The following EHBP1 variants were observed in gnomAD, a reference collection of about 807,000 sequenced individuals.
EHBP1 encodes the protein EH domain-binding protein 1.
In EHBP1, 55 loss-of-function variants were observed where a neutral mutation model predicts 144.0. The ratio of observed to expected loss-of-function variants is 0.38; its 90% confidence interval spans 0.31 to 0.48. EHBP1 has a LOEUF of 0.48. Ranked by LOEUF, EHBP1 falls within the 20% of genes least tolerant of loss-of-function variation. The pLI is 0.98. For synonymous variants in EHBP1, 469 were observed against 472.7 expected, an observed-to-expected ratio of 0.99 and a Z score of 0.10; for missense variants, 1,200 against 1,364.2, an observed-to-expected ratio of 0.88 and a Z score of 1.90.
chr2:62,810,905 A>G (rs1245079172), intron 5 of EHBP1, among the ~76,000 whole-genome samples: 2 of 152,316 alleles, frequency 1.3e-5, no homozygotes, highest in East Asian at 3.9e-4. Flanking sequence ...TTCCCTTAGC[A>G]ACTTTGTAGT....
At chr2:62,831,185 A>G (rs767542698) in intron 7 of EHBP1, 27 bp downstream of exon 7, 24 of 1,567,514 alleles carry the variant, frequency 1.5e-5, no homozygotes, top group Admixed American at 6.3e-5. Context: ...TTAAACTAAA[A>G]GTTTATCTTT....
At chr2:62,717,706 G>T (rs2035819568) in intron 2 of EHBP1, among the ~76,000 whole-genome samples, 1 of 148,822 alleles carries the variant, frequency 6.7e-6, no homozygotes. Context: ...TTTTAATAAA[G>T]TTTTTTTTTT....
intron 10 of EHBP1, among the ~76,000 whole-genome samples, chr2:62,908,409 G>A (rs1055641241): frequency 4.6e-5 from 7 of 151,876 alleles, no homozygotes; most frequent in South Asian, 2.1e-4. Context: ...CTAGCTGTTC[G>A]TTCCATTGAT....
chr2:62,872,903 G>A (rs1019844980), intron 9 of EHBP1, among the ~76,000 whole-genome samples: 2 of 152,176 alleles, frequency 1.3e-5, no homozygotes, highest in African/African-American at 4.8e-5. Context: ...CTCTGATCTA[G>A]AAGGGAAAAG....
chr2:62,776,828 G>A (rs2152393187), intron 5 of EHBP1, among the ~76,000 whole-genome samples: 1 of 152,204 alleles, frequency 6.6e-6, no homozygotes, highest in South Asian at 2.1e-4. Flanking sequence ...TGTTCATCCA[G>A]ACAGTTGACA....
intron 5 of EHBP1, among the ~76,000 whole-genome samples, chr2:62,793,519 C>T (rs2043313094): frequency 6.6e-6 from 1 of 152,018 alleles, no homozygotes; most frequent in Admixed American, 6.6e-5. Context: ...AAGTAGATTT[C>T]AGTGCATATA....
chr2:62,862,572 T>C (rs758365327), intron 8 of EHBP1, among the ~76,000 whole-genome samples: 4 of 152,052 alleles, frequency 2.6e-5, no homozygotes, highest in African/African-American at 4.8e-5. Flanking sequence ...GAGCCGAGAT[T>C]GCACCATTGC....
rs113242590 is a variant in EHBP1 at position 62,861,408 on chromosome 2, G to T, written c.757+2117G>T. ...CTCCCAAAGTGCTGGGATTACAGGCGTGAGCCACCGCGCCCAGCCCTTGAG... is the reference window on the plus strand; with the variant it reads ...CTCCCAAAGTGCTGGGATTACAGGCTTGAGCCACCGCGCCCAGCCCTTGAG... On this transcript the variant is annotated intron_variant, in intron 8 of 22. Coordinates refer to ENST00000431489, the MANE Select transcript of EHBP1 (RefSeq NM_001142616.3). Among the ~76,000 whole-genome samples the T allele has an allele frequency of 8.8e-4, 132 of 150,670 alleles. 4 individuals carry two copies. In the South Asian group the frequency reaches 0.027, roughly 30 times the overall value.
intron 14 of EHBP1, among the ~76,000 whole-genome samples, chr2:62,959,733 G>A (rs2057903713): frequency 6.6e-6 from 1 of 152,122 alleles, no homozygotes; most frequent in African/African-American, 2.4e-5. Flanking sequence ...CGGGTTAACA[G>A]TTTGTTTTGG....
chr2:62,821,342 A>G (rs1458447067), intron 5 of EHBP1, among the ~76,000 whole-genome samples: 1 of 152,166 alleles, frequency 6.6e-6, no homozygotes, highest in Non-Finnish European at 1.5e-5. Flanking sequence ...ATTATTCTGT[A>G]AGGAAACTAA....
At chr2:62,910,323 G>T (rs1278150473) in intron 10 of EHBP1, among the ~76,000 whole-genome samples, 2 of 152,146 alleles carry the variant, frequency 1.3e-5, no homozygotes, top group Non-Finnish European at 2.9e-5. Flanking sequence ...CACTGAGTTT[G>T]ACTTTAAAGA....
intron 10 of EHBP1, among the ~76,000 whole-genome samples, chr2:62,885,130 A>G (rs139608159): frequency 1.3e-5 from 2 of 152,328 alleles, no homozygotes; most frequent in African/African-American, 4.8e-5. Flanking sequence ...CGGAGGTGGC[A>G]AAGTGTTCAC....
intron 7 of EHBP1, among the ~76,000 whole-genome samples, chr2:62,854,486 T>A (rs989343422): frequency 6.6e-6 from 1 of 152,236 alleles, no homozygotes; most frequent in African/African-American, 2.4e-5. Context: ...CAACTCTTCC[T>A]TTCATTTGAA....
At chr2:62,843,608 A>G (rs1425325056) in intron 7 of EHBP1, among the ~76,000 whole-genome samples, 1 of 152,160 alleles carries the variant, frequency 6.6e-6, no homozygotes, top group African/African-American at 2.4e-5. Context: ...ATAGCACAGC[A>G]TATTATGGCA....
chr2:62,788,571 T>G (rs1041213341), intron 5 of EHBP1, among the ~76,000 whole-genome samples: 12 of 152,204 alleles, frequency 7.9e-5, no homozygotes, highest in Non-Finnish European at 1.8e-4. Flanking sequence ...CCAGTTTAAC[T>G]ATATATTTTT....
chr2:62,821,829 A>G (rs2046004544), intron 5 of EHBP1, among the ~76,000 whole-genome samples: 1 of 152,126 alleles, frequency 6.6e-6, no homozygotes, highest in African/African-American at 2.4e-5. Context: ...TTTTTTAAGT[A>G]TAATTTTTTA....
chr2:62,953,010 G>T (rs990964201), intron 13 of EHBP1, among the ~76,000 whole-genome samples: 2 of 151,790 alleles, frequency 1.3e-5, no homozygotes, highest in Admixed American at 6.6e-5. Context: ...CCTGAGGTCG[G>T]GAGTTTGAGA....
At chr2:62,817,534 C>A (rs191898984) in intron 5 of EHBP1, among the ~76,000 whole-genome samples, 2 of 152,094 alleles carry the variant, frequency 1.3e-5, no homozygotes, top group East Asian at 3.8e-4. Flanking sequence ...TAGGGCCTGT[C>A]GGTCCAGTAA....
chr2:63,012,656 A>G (rs1318400635), intron 19 of EHBP1, among the ~76,000 whole-genome samples: 4 of 152,204 alleles, frequency 2.6e-5, no homozygotes, highest in Non-Finnish European at 5.9e-5. Flanking sequence ...ACTAATGTCC[A>G]AAGTACTGTT....
Sources: gnomAD v4.1 joint callset for allele counts (sites outside exome capture counted in the v4.1 genomes callset) on GRCh38, gnomAD v4.1.1 for gene constraint, MANE v1.5 for transcripts, NCBI Gene and HGNC (gene_info 2026-07-23, HGNC 2026-07-21) for gene names.